Variants in KCNMB2 observed in about 807,000 individuals in gnomAD.
KCNMB2 encodes calcium-activated potassium channel subunit beta-2.
Under a neutral mutation model 24.5 loss-of-function variants are expected in KCNMB2, and 9 were observed. The ratio of observed to expected loss-of-function variants is 0.37; its 90% CI spans 0.22 to 0.64. KCNMB2 has a LOEUF of 0.64. Among genes scored for constraint, KCNMB2 ranks in the 30% least tolerant of loss-of-function variants. KCNMB2 has a pLI of 0.63. For missense variants in KCNMB2, 226 were observed against 284.3 expected (o/e 0.79, Z 1.47); for synonymous variants, 109 against 104.4 (o/e 1.04, Z -0.27).
At chr3:178,635,081 G>T (rs554369857) in intron 1 of KCNMB2, among the ~76,000 whole-genome samples, 2 of 152,084 alleles carry the variant, frequency 1.3e-5, no homozygotes, top group South Asian at 4.1e-4. Flanking sequence ...GGCATAGCAG[G>T]GGGCAGCACC....
At chr3:178,616,935 G>A (rs926834349) in intron 1 of KCNMB2, among the ~76,000 whole-genome samples, 25 of 152,172 alleles carry the variant, frequency 1.6e-4, no homozygotes, top group African/African-American at 6.0e-4. Flanking sequence ...TGACCAGAGG[G>A]ATAACTCCAT....
In KCNMB2 at chr3:178,843,130, T is replaced by C. The variant is rs879032097; in HGVS notation, c.*193T>C. On this transcript the variant is annotated 3_prime_UTR_variant, in exon 5 of 5. Transcript: ENST00000452583. Reference sequence around the variant, plus strand: ...TTTATTATTCAGGAGAATAAATAACTGTTTTGTGTTGGTTGGTGGTTTTCA... The same window carrying C: ...TTTATTATTCAGGAGAATAAATAACCGTTTTGTGTTGGTTGGTGGTTTTCA... The C allele has an allele frequency of 9.5e-5, 63 of 662,790 alleles. 1 individual carries two copies. The highest frequency in any genetic ancestry group is 9.4e-4 in the South Asian group (61 of 64,954). 41.1% of individuals were successfully genotyped at this position (662,790 alleles called of 1,614,324 possible).
intron 1 of KCNMB2, among the ~76,000 whole-genome samples, chr3:178,743,689 G>T (rs181307667): frequency 6.6e-5 from 10 of 152,178 alleles, no homozygotes; most frequent in African/African-American, 2.4e-4. Flanking sequence ...CTGCCATGGT[G>T]GGGGGAACCA....
rs533467639 is a variant in KCNMB2 at position 178,833,692 on chromosome 3, C to T, written c.423+5319C>T. On this transcript the variant is annotated intron_variant, in intron 4 of 4. Transcript: ENST00000452583. ...ATAACTGTCCTAAGACAATAGGAGG[C>T]GAAAGGATATTAGTCAATCTGTCTG... Among the ~76,000 whole-genome samples, 65 of 152,198 alleles carry T rather than the reference C, an allele frequency of 4.3e-4. 1 individual carries two copies. In the South Asian group the frequency reaches 0.012, roughly 29 times the overall value.
At chr3:178,544,292 T>C (rs1220645876) in intron 1 of KCNMB2, among the ~76,000 whole-genome samples, 1 of 152,212 alleles carries the variant, frequency 6.6e-6, no homozygotes, top group African/African-American at 2.4e-5. Context: ...CTTCTCTTTA[T>C]ATTCCCAGGC....
chr3:178,825,565 G>T, intron 2 of KCNMB2, 23 bp from the exon 3 acceptor site: 1 of 1,598,264 alleles, frequency 6.3e-7, no homozygotes, highest in South Asian at 1.1e-5. Context: ...CTTAATGTAA[G>T]ACCATATTGT....
chr3:178,650,999 C>A (rs1299401312), intron 1 of KCNMB2, among the ~76,000 whole-genome samples: 3 of 152,142 alleles, frequency 2.0e-5, no homozygotes, highest in Non-Finnish European at 4.4e-5. Context: ...AAAAACAGAT[C>A]AAGACAACGA....
chr3:178,843,468 A>G lies in KCNMB2; in HGVS notation c.*531A>G, dbSNP rs1715503432. On this transcript the variant is annotated 3_prime_UTR_variant, in exon 5 of 5. Transcript: ENST00000452583. ...ACCATATCACTGTAAAGAAGAGGGG[A>G]AACCCAGCCAGCTACTTTTTTTCAT... 1 of 167,124 alleles carries G rather than the reference A, an allele frequency of 6.0e-6. No homozygotes were observed. The highest frequency in any genetic ancestry group is 1.3e-5 in the Non-Finnish European group (1 of 76,814). 10.4% of individuals were successfully genotyped at this position (167,124 alleles called of 1,614,324 possible).
At chr3:178,673,633 G>A (rs7374977) in intron 1 of KCNMB2, among the ~76,000 whole-genome samples, 48,503 of 151,902 alleles carry the variant, frequency 0.32, 8,283 homozygotes, top group African/African-American at 0.44. Flanking sequence ...ACCCAAGACA[G>A]TGCTCCAACA....
intron 1 of KCNMB2, among the ~76,000 whole-genome samples, chr3:178,568,468 C>T (rs1285609717): frequency 6.6e-6 from 1 of 152,110 alleles, no homozygotes; most frequent in African/African-American, 2.4e-5. Flanking sequence ...TTCATAAATG[C>T]CAGTGATATC....
At chr3:178,612,239 A>C (rs949942752) in intron 1 of KCNMB2, among the ~76,000 whole-genome samples, 1 of 152,184 alleles carries the variant, frequency 6.6e-6, no homozygotes, top group Admixed American at 6.5e-5. Flanking sequence ...TGTTGGAAGA[A>C]ATGTTCTGTA....
Position 178,668,803 on chromosome 3 carries a change from T to C in KCNMB2, c.-68+132092T>C, listed in dbSNP as rs979076216. ...TTACTGCAATTGTCCATATCTTCTG[T>C]TCTTTAATAGCAAGTGATTATAACA... On this transcript the variant is annotated intron_variant, in intron 1 of 4. Transcript: ENST00000452583. Among the ~76,000 whole-genome samples, 5 of 152,208 alleles carry C rather than the reference T, an allele frequency of 3.3e-5. No homozygotes were observed. In the East Asian group the frequency reaches 7.7e-4, roughly 23 times the overall value.
chr3:178,754,295 A>C (rs1723954901), intron 1 of KCNMB2, among the ~76,000 whole-genome samples: 1 of 151,598 alleles, frequency 6.6e-6, no homozygotes, highest in African/African-American at 2.4e-5. Context: ...AATGAACACA[A>C]GAGACAGATA....
intron 1 of KCNMB2, among the ~76,000 whole-genome samples, chr3:178,595,059 C>CA (rs57471892): frequency 0.015 from 1,917 of 123,722 alleles, 49 homozygotes; most frequent in South Asian, 0.029. Context: ...ACAGTATTTG[C>CA]AAAAAAAAAA....
chr3:178,834,337 T>A (rs1429041193), intron 4 of KCNMB2, among the ~76,000 whole-genome samples: 1 of 152,244 alleles, frequency 6.6e-6, no homozygotes, highest in Non-Finnish European at 1.5e-5. Context: ...AAAATCTAAG[T>A]ATTTTTACTT....
chr3:178,597,313 G>A (rs1251465899), intron 1 of KCNMB2, among the ~76,000 whole-genome samples: 1 of 152,106 alleles, frequency 6.6e-6, no homozygotes, highest in East Asian at 1.9e-4. Context: ...GATACACAAT[G>A]TACAGCTCAA....
At chr3:178,758,711 T>G (rs1711503904) in intron 1 of KCNMB2, among the ~76,000 whole-genome samples, 1 of 45,538 alleles carries the variant, frequency 2.2e-5, no homozygotes, top group Non-Finnish European at 4.2e-5. Flanking sequence ...CAAGAGGAGA[T>G]ATATATATAT....
At chr3:178,774,198 C>T (rs372118496) in intron 1 of KCNMB2, among the ~76,000 whole-genome samples, 7 of 152,234 alleles carry the variant, frequency 4.6e-5, no homozygotes, top group South Asian at 4.1e-4. Context: ...AATACTATCA[C>T]GCTGGTAAGT....
At chr3:178,551,423 C>G (rs1478754653) in intron 1 of KCNMB2, among the ~76,000 whole-genome samples, 1 of 152,200 alleles carries the variant, frequency 6.6e-6, no homozygotes, top group Non-Finnish European at 1.5e-5. Context: ...GGCTTTCCAC[C>G]AGCTCTTCTA....
Sources: allele counts gnomAD v4.1 joint callset (sites outside exome capture counted in the v4.1 genomes callset), GRCh38; gene constraint gnomAD v4.1.1; transcripts MANE v1.5; gene names NCBI Gene and HGNC (gene_info 2026-07-23, HGNC 2026-07-21).